The following SSBP2 variants were observed in gnomAD, a reference collection of about 807,000 sequenced individuals.
SSBP2 encodes the protein single stranded DNA binding protein 2.
A neutral mutation model predicts 61.8 loss-of-function variants in SSBP2; 17 were observed. The ratio of observed to expected loss-of-function variants is 0.28; its 90% CI spans 0.19 to 0.41. The LOEUF (loss-of-function observed/expected upper bound fraction) is 0.41. Ranked by LOEUF, SSBP2 falls within the 10% of genes least tolerant of loss-of-function variation. The probability of loss-of-function intolerance (pLI) is 1.00; values close to 1 mark genes in which losing one functional copy is unlikely to be tolerated. For missense variants in SSBP2, 310 were observed against 458.7 expected, an observed-to-expected ratio of 0.68 and a Z score of 2.96; for synonymous variants, 139 against 141.3, an observed-to-expected ratio of 0.98 and a Z score of 0.12.
At position 81,524,033 on chromosome 5, in the gene SSBP2, G is replaced by T. The variant is rs531824749; in HGVS notation, c.283-10316C>A. Among the ~76,000 whole-genome samples the T allele has an allele frequency of 6.6e-5, 10 of 152,042 alleles. No homozygotes were observed. The South Asian group carries it at 1.9e-3, about 28-fold the overall frequency. ...GATTTAATTCATTGTAAAAATCCCA[G>T]GGCTTCTATTTGAGAGTCTAGGTAC... On this transcript the variant is annotated intron_variant, in intron 4 of 16. Transcript: ENST00000320672.
chr5:81,521,871 G>A (rs1769514768), intron 4 of SSBP2, among the ~76,000 whole-genome samples: 3 of 151,942 alleles, frequency 2.0e-5, no homozygotes, highest in Admixed American at 1.3e-4. Context: ...ATAAACAGTT[G>A]CAATGTTATT....
At chr5:81,456,122 G>A (rs1764127816) in intron 10 of SSBP2, among the ~76,000 whole-genome samples, 1 of 152,114 alleles carries the variant, frequency 6.6e-6, no homozygotes, top group Admixed American at 6.6e-5. Context: ...TTAAAAAAAT[G>A]AGCACCTATT....
chr5:81,680,127 G>A (rs1752277213), intron 1 of SSBP2, among the ~76,000 whole-genome samples: 1 of 151,602 alleles, frequency 6.6e-6, no homozygotes, highest in Non-Finnish European at 1.5e-5. Context: ...CTCAAACTGG[G>A]ACTTACACCA....
At chr5:81,562,490 C>T (rs116127285) in intron 4 of SSBP2, among the ~76,000 whole-genome samples, 2 of 151,984 alleles carry the variant, frequency 1.3e-5, no homozygotes, top group Admixed American at 6.6e-5. Context: ...AAACAGAAAT[C>T]AAAACAAACA....
chr5:81,630,293 G>A (rs1488104260), intron 3 of SSBP2, among the ~76,000 whole-genome samples: 2 of 152,180 alleles, frequency 1.3e-5, no homozygotes, highest in African/African-American at 4.8e-5. Context: ...GGTTGAAAGA[G>A]TTAAGGATAA....
intron 3 of SSBP2, among the ~76,000 whole-genome samples, chr5:81,634,544 T>A (rs544076776): frequency 1.4e-4 from 21 of 152,314 alleles, no homozygotes; most frequent in African/African-American, 4.3e-4. Flanking sequence ...TCTTTTCAAA[T>A]TTTTTACAGA....
chr5:81,726,327 C>T (rs1438239370), intron 1 of SSBP2, among the ~76,000 whole-genome samples: 1 of 152,042 alleles, frequency 6.6e-6, no homozygotes, highest in South Asian at 2.1e-4. Context: ...TGCCCCATAC[C>T]TTAGACACAC....
At chr5:81,453,869 CA>C (rs1369078937) in intron 10 of SSBP2, among the ~76,000 whole-genome samples, 1 of 151,438 alleles carries the variant, frequency 6.6e-6, no homozygotes, top group Non-Finnish European at 1.5e-5. Context: ...ATTATTAAAC[CA>C]AAAAAAGAAA....
At chr5:81,533,720 GAGCAA>G (rs1485352421) in intron 4 of SSBP2, among the ~76,000 whole-genome samples, 1 of 152,076 alleles carries the variant, frequency 6.6e-6, no homozygotes, top group African/African-American at 2.4e-5. Context: ...CAATTTACCT[GAGCAA>G]AACTCATGAG....
intron 10 of SSBP2, among the ~76,000 whole-genome samples, chr5:81,459,128 C>A (rs900675686): frequency 5.3e-5 from 8 of 152,152 alleles, no homozygotes; most frequent in Admixed American, 3.9e-4. Context: ...TACCCTAATT[C>A]CTTATGTTTC....
chr5:81,693,590 T>C (rs6897697), intron 1 of SSBP2, among the ~76,000 whole-genome samples: 2,869 of 152,280 alleles, frequency 0.019, 101 homozygotes, highest in African/African-American at 0.062. Flanking sequence ...CTCAACATCA[T>C]TGATCATCAG....
At chr5:81,660,996 G>T (rs570718658) in intron 1 of SSBP2, among the ~76,000 whole-genome samples, 1 of 151,958 alleles carries the variant, frequency 6.6e-6, no homozygotes, top group African/African-American at 2.4e-5. Flanking sequence ...AACATAAACC[G>T]GAGCCTGTTG....
chr5:81,524,765 T>C, intron 4 of SSBP2, among the ~76,000 whole-genome samples: 1 of 152,008 alleles, frequency 6.6e-6, no homozygotes, highest in Admixed American at 6.6e-5. Context: ...AATAGTTTTT[T>C]CCCTTCCACA....
At chr5:81,697,372 T>C (rs780578866) in intron 1 of SSBP2, among the ~76,000 whole-genome samples, 14 of 152,238 alleles carry the variant, frequency 9.2e-5, no homozygotes, top group African/African-American at 3.1e-4. Context: ...TTGGTTGTTT[T>C]TAGCTGGTGG....
intron 13 of SSBP2, 89 bp from the exon 14 acceptor site, chr5:81,440,725 T>C: frequency 1.1e-6 from 1 of 891,846 alleles, no homozygotes; most frequent in Non-Finnish European, 1.7e-6. Context: ...TACAAGACAC[T>C]GCCACAACTT....
At chr5:81,458,900 G>T (rs1201456019) in intron 10 of SSBP2, among the ~76,000 whole-genome samples, 2 of 152,060 alleles carry the variant, frequency 1.3e-5, no homozygotes, top group African/African-American at 2.4e-5. Flanking sequence ...TTTTCCTTTG[G>T]ATGCTCAGGA....
intron 1 of SSBP2, among the ~76,000 whole-genome samples, chr5:81,678,841 TA>T (rs1396467242): frequency 6.6e-6 from 1 of 152,004 alleles, no homozygotes; most frequent in Non-Finnish European, 1.5e-5. Context: ...AAAAGTGAAA[TA>T]AAGACCCATA....
intron 4 of SSBP2, among the ~76,000 whole-genome samples, chr5:81,535,858 C>A (rs1251457839): frequency 6.6e-6 from 1 of 151,532 alleles, no homozygotes; most frequent in Non-Finnish European, 1.5e-5. Flanking sequence ...AGATACAATA[C>A]CAAAGGCATG....
intron 1 of SSBP2, among the ~76,000 whole-genome samples, chr5:81,747,864 C>T (rs28539361): frequency 6.6e-6 from 1 of 152,070 alleles, no homozygotes; most frequent in African/African-American, 2.4e-5. Flanking sequence ...AATGACCTAA[C>T]AAGATCAGAA....
Sources: allele counts gnomAD v4.1 joint callset (sites outside exome capture counted in the v4.1 genomes callset), GRCh38; gene constraint gnomAD v4.1.1; transcripts MANE v1.5; gene names NCBI Gene and HGNC (gene_info 2026-07-23, HGNC 2026-07-21).